RDX: variants seen among roughly 807,000 people sequenced by gnomAD.
The protein encoded by RDX is deafness, autosomal recessive 24.
In RDX, 32 loss-of-function variants were observed where a neutral mutation model predicts 83.7. The ratio of observed to expected loss-of-function variants is 0.38; its 90% CI spans 0.29 to 0.51. RDX has a LOEUF of 0.51. Among genes scored for constraint, RDX ranks in the 20% least tolerant of loss-of-function variants. RDX has a pLI of 0.87. For synonymous variants in RDX, 229 were observed against 222.7 expected, an observed-to-expected ratio of 1.03 and a Z score of -0.25; for missense variants, 600 against 689.9, an observed-to-expected ratio of 0.87 and a Z score of 1.46.
intron 14 of RDX, among the ~76,000 whole-genome samples, chr11:110,207,791 C>T (rs1245521273): frequency 6.6e-6 from 1 of 152,126 alleles, no homozygotes; most frequent in Non-Finnish European, 1.5e-5. Flanking sequence ...ACAGAGACAA[C>T]TGGCCTGCAA....
At chr11:110,223,523 G>A (rs897058228) in intron 14 of RDX, among the ~76,000 whole-genome samples, 1 of 151,014 alleles carries the variant, frequency 6.6e-6, no homozygotes, top group Non-Finnish European at 1.5e-5. Flanking sequence ...GAAAGACTCT[G>A]TCTCAAAAAA....
chr11:110,227,282 T>C (rs574874527), downstream of RDX, among the ~76,000 whole-genome samples: 3 of 152,212 alleles, frequency 2.0e-5, no homozygotes, highest in South Asian at 6.2e-4. Context: ...TTTCCAAAAA[T>C]AGTCACATAA....
intron 1 of RDX, among the ~76,000 whole-genome samples, chr11:110,285,820 T>G (rs929852737): frequency 6.6e-6 from 1 of 151,124 alleles, no homozygotes; most frequent in Admixed American, 6.6e-5. Context: ...TTTCATAAAA[T>G]GTCACATGGA....
At chr11:110,207,313 AT>A (rs1863642945) in intron 14 of RDX, among the ~76,000 whole-genome samples, 1 of 152,144 alleles carries the variant, frequency 6.6e-6, no homozygotes, top group Non-Finnish European at 1.5e-5. Flanking sequence ...GATCTACTGA[AT>A]GTGAAACCTG....
intron 15 of RDX, among the ~76,000 whole-genome samples, chr11:110,196,428 T>C (rs763144941): frequency 4.6e-5 from 7 of 152,226 alleles, no homozygotes; most frequent in Non-Finnish European, 1.0e-4. Flanking sequence ...TCAGCCTGGT[T>C]AGAATTACTT....
At chr11:110,266,443 TTAAAA>T (rs1199463599) in intron 3 of RDX, among the ~76,000 whole-genome samples, 3 of 152,206 alleles carry the variant, frequency 2.0e-5, no homozygotes, top group African/African-American at 7.2e-5. Context: ...AAATCTGTAT[TTAAAA>T]TAAAATGAGG....
exon 16 of RDX, chr11:110,174,946 T>A (rs975781273): frequency 6.6e-6 from 1 of 152,234 alleles, no homozygotes; most frequent in Non-Finnish European, 1.5e-5. Flanking sequence ...GTATTTTTAC[T>A]TCTTCCGTGG....
At chr11:110,216,866 C>G (rs1183663847) in intron 14 of RDX, among the ~76,000 whole-genome samples, 1 of 152,150 alleles carries the variant, frequency 6.6e-6, no homozygotes, top group East Asian at 1.9e-4. Flanking sequence ...TACATTTCAA[C>G]TCAAATATAG....
intron 1 of RDX, among the ~76,000 whole-genome samples, chr11:110,282,994 C>T (rs1221067235): frequency 6.6e-6 from 1 of 151,178 alleles, no homozygotes; most frequent in East Asian, 1.9e-4. Context: ...AAAAATAAAA[C>T]ATTAAAAAAA....
At chr11:110,267,382 G>A (rs1259336715) in intron 3 of RDX, among the ~76,000 whole-genome samples, 3 of 152,032 alleles carry the variant, frequency 2.0e-5, no homozygotes, top group African/African-American at 4.8e-5. Flanking sequence ...GTGTGGTGGT[G>A]CACACCCATA....
chr11:110,193,942 G>A (rs1401392250), intron 15 of RDX, among the ~76,000 whole-genome samples: 2 of 152,104 alleles, frequency 1.3e-5, no homozygotes, highest in African/African-American at 2.4e-5. Flanking sequence ...TTATAATAAC[G>A]TCCCTTCATA....
chr11:110,264,581 G>A (rs998959438), intron 4 of RDX, among the ~76,000 whole-genome samples, 198 bp downstream of exon 4: 2 of 151,006 alleles, frequency 1.3e-5, no homozygotes, highest in South Asian at 2.1e-4. Flanking sequence ...AATAGGAAAA[G>A]TAAGCATTTC....
chr11:110,233,186 G>T (rs1463617808), intron 13 of RDX, 51 bp downstream of exon 13: 1 of 1,608,004 alleles, frequency 6.2e-7, no homozygotes, highest in African/African-American at 1.3e-5. Context: ...CTAAGATGGG[G>T]AAAATGCAAA....
At chr11:110,215,439 C>T (rs1288237856) in intron 14 of RDX, among the ~76,000 whole-genome samples, 1 of 151,792 alleles carries the variant, frequency 6.6e-6, no homozygotes, top group Non-Finnish European at 1.5e-5. Flanking sequence ...CCCTCCCCTA[C>T]AAGAGTAAAT....
chr11:110,178,626 G>T (rs1052225193), intron 15 of RDX, among the ~76,000 whole-genome samples: 1 of 152,130 alleles, frequency 6.6e-6, no homozygotes, highest in African/African-American at 2.4e-5. Flanking sequence ...GATAGATTTT[G>T]GGGGGCAGAA....
At position 110,216,793 on chromosome 11, in the gene RDX, C is replaced by T. The variant is rs562787443; in HGVS notation, c.1748+15080G>A. 3.9e-5 allele frequency among the ~76,000 whole-genome samples: 6 copies of T among 152,312 alleles called. No homozygotes were observed. The South Asian group carries it at 1.2e-3, about 32-fold the overall frequency. ...TCAGCCTCCCAAATTGCTGGGATTA[C>T]AGGTGTAAACCACTGCACTGAAATA... On this transcript the variant is annotated intron_variant, in intron 14 of 15. Transcript: ENST00000528498.
At chr11:110,262,406 GAAACTCCATCTCCACT>G (rs1204917607) in intron 5 of RDX, among the ~76,000 whole-genome samples, 1 of 152,070 alleles carries the variant, frequency 6.6e-6, no homozygotes, top group African/African-American at 2.4e-5. Flanking sequence ...CCAACACGGT[GAAACTCCATCTCCACT>G]AAAAATGCAA....
At chr11:110,281,322 ATTT>A (rs754256440) in intron 1 of RDX, among the ~76,000 whole-genome samples, 4 of 143,220 alleles carry the variant, frequency 2.8e-5, no homozygotes, top group Middle Eastern at 3.6e-3. Context: ...TCCTCCTGAG[ATTT>A]TTTTTTTTTT....
chr11:110,197,972 G>A (rs376967037), intron 15 of RDX, among the ~76,000 whole-genome samples: 5 of 152,172 alleles, frequency 3.3e-5, no homozygotes, highest in East Asian at 1.9e-4. Context: ...AATCTTGCAC[G>A]ACCTTAAACT....
Sources: allele counts gnomAD v4.1 joint callset (sites outside exome capture counted in the v4.1 genomes callset), GRCh38; gene constraint gnomAD v4.1.1; transcripts MANE v1.5; gene names NCBI Gene and HGNC (gene_info 2026-07-23, HGNC 2026-07-21).